PKD2: variants seen among roughly 807,000 people sequenced by gnomAD.
PKD2 encodes the protein polycystin 2, transient receptor potential cation channel, also known as polycystin-2.
In PKD2, 48 loss-of-function variants were observed where a neutral mutation model predicts 105.9. The ratio of observed to expected loss-of-function variants is 0.45; its 90% confidence interval spans 0.36 to 0.58. The LOEUF is 0.58. Ranked by LOEUF, PKD2 falls within the 20% of genes least tolerant of loss-of-function variation. The pLI, the probability that PKD2 is intolerant of heterozygous loss-of-function variation, is 0.00. For synonymous variants in PKD2, 464 were observed against 481.1 expected (o/e 0.96, Z 0.46); for missense variants, 1,078 against 1,255.3 (o/e 0.86, Z 2.13).
intron 12 of PKD2, among the ~76,000 whole-genome samples, chr4:88,066,939 C>A (rs1360954452): frequency 6.6e-6 from 1 of 152,154 alleles, no homozygotes; most frequent in Non-Finnish European, 1.5e-5. Context: ...AGGTGACAGA[C>A]TTCTCCAGTC....
At position 88,070,601 on chromosome 4, in the gene PKD2, T is replaced by TATATATAGAG. The variant is rs1313482750; in HGVS notation, c.2522+2541_2522+2542insTATATAGAGA. 3.0e-3 allele frequency among the ~76,000 whole-genome samples: 274 copies of TATATATAGAG among 91,438 alleles called. 2 individuals carry two copies. The highest frequency in any genetic ancestry group is 6.3e-3 in the Middle Eastern group (1 of 160). 60.0% of individuals were successfully genotyped at this position (91,438 alleles called of 152,430 possible). On this transcript the variant is annotated intron_variant, in intron 13 of 14. Transcript: ENST00000237596. ...ATATATATATATATATATATATATA[T>TATATATAGAG]AGAGAGAGAGAGAGAGAGAGAGAGA... is the stretch of plus-strand genomic sequence containing the variant.
At chr4:88,050,323 T>G (rs1044683705) in intron 6 of PKD2, among the ~76,000 whole-genome samples, 1 of 152,130 alleles carries the variant, frequency 6.6e-6, no homozygotes, top group African/African-American at 2.4e-5. Flanking sequence ...TACTATGTAC[T>G]TGCCACTGTT....
At chr4:88,034,481 C>A (rs1727263113) in intron 2 of PKD2, among the ~76,000 whole-genome samples, 1 of 151,812 alleles carries the variant, frequency 6.6e-6, no homozygotes, top group Non-Finnish European at 1.5e-5. Context: ...CCAACCTGAC[C>A]AACATGGTGA....
intron 2 of PKD2, among the ~76,000 whole-genome samples, chr4:88,020,211 A>G (rs1726700844): frequency 6.6e-6 from 1 of 152,230 alleles, no homozygotes; most frequent in African/African-American, 2.4e-5. Flanking sequence ...CTGCATAAGA[A>G]TTGTTTCCAG....
At chr4:88,036,517 G>A in intron 3 of PKD2, 164 bp downstream of exon 3, 1 of 661,598 alleles carries the variant, frequency 1.5e-6, no homozygotes, top group Non-Finnish European at 1.9e-6. Context: ...ACTCTCAAAG[G>A]GGGTAAACTA....
At position 88,075,707 on chromosome 4, in the gene PKD2, A is replaced by G; in HGVS notation, c.*13A>G. On this transcript the variant is annotated 3_prime_UTR_variant, in exon 15 of 15. Transcript: ENST00000237596. ...TGTCCACGTATGATATGTGTGTTTC[A>G]GTATGTGTGTTTCTAATAAGTGAGG... 1 of 1,571,286 alleles carries G rather than the reference A, an allele frequency of 6.4e-7. No homozygotes were observed. The highest frequency in any genetic ancestry group is 8.8e-7 in the Non-Finnish European group (1 of 1,142,196).
At chr4:88,013,189 T>G (rs1299762301) in intron 1 of PKD2, among the ~76,000 whole-genome samples, 2 of 152,202 alleles carry the variant, frequency 1.3e-5, no homozygotes, top group Non-Finnish European at 2.9e-5. Context: ...TCTGGGGATT[T>G]TTTTGAGGGA....
At position 88,061,939 on chromosome 4, in the gene PKD2, T is replaced by G; in HGVS notation, c.2053T>G (p.Ser685Ala). The G allele has an allele frequency of 2.5e-6, 4 of 1,580,496 alleles. No individual in the cohort carries two copies. Among genetic ancestry groups the G allele is most frequent in the Non-Finnish European group, 3.5e-6 (4 of 1,149,604 alleles). Residue 685 changes from serine to alanine, a missense_variant, in exon 10 of 15, where the codon TCT becomes GCT. This residue lies in a region of PKD2 where 868 missense variants were observed against 1,067.3 expected (regional missense o/e 0.81). Coordinates refer to ENST00000237596, the MANE Select transcript of PKD2 (RefSeq NM_000297.4). ...MFLAIINDTY[S>A]EVKSDLAQQK... ...TTTGGCTATCATCAATGATACTTAC[T>G]CTGAAGTGAAATCTGACTTGGCACA...
Position 88,052,172 on chromosome 4 carries a change from T to G in PKD2, c.1716+14T>G, listed in dbSNP as rs779744978. 30 of 1,458,392 alleles carry G rather than the reference T, an allele frequency of 2.1e-5. No homozygotes were observed. The highest frequency in any genetic ancestry group is 2.7e-5 in the Non-Finnish European group (28 of 1,040,222). The allele number at this position is 1,458,392 out of a possible 1,614,324, so 90.3% of individuals were successfully genotyped here. ...GTCTGGATTAAGGTAATTTATAAAT[T>G]TCATGTTCTACATTTTAAATAATAT... is the stretch of plus-strand genomic sequence containing the variant. On this transcript the variant is annotated intron_variant, in intron 7 of 14. Coordinates refer to ENST00000237596, the MANE Select transcript of PKD2 (RefSeq NM_000297.4).
intron 2 of PKD2, among the ~76,000 whole-genome samples, chr4:88,024,062 T>TA (rs1726860747): frequency 6.6e-6 from 1 of 152,208 alleles, no homozygotes; most frequent in Non-Finnish European, 1.5e-5. Flanking sequence ...TTAAAGCACT[T>TA]ATTAATATAC....
At chr4:88,047,309 C>T (rs1727813810) in intron 6 of PKD2, among the ~76,000 whole-genome samples, 1 of 151,910 alleles carries the variant, frequency 6.6e-6, no homozygotes, top group Non-Finnish European at 1.5e-5. Context: ...GTAATCCCAG[C>T]ACTTGGGGAG....
At chr4:88,031,372 TTA>T (rs1401402085) in intron 2 of PKD2, among the ~76,000 whole-genome samples, 2 of 152,332 alleles carry the variant, frequency 1.3e-5, no homozygotes, top group South Asian at 2.1e-4. Flanking sequence ...CACTTTTAAT[TTA>T]TAGAGTCCCT....
chr4:88,010,872 CAT>C (rs1354117216), intron 1 of PKD2, among the ~76,000 whole-genome samples: 1 of 152,190 alleles, frequency 6.6e-6, no homozygotes, highest in Admixed American at 6.5e-5. Context: ...AGAAAGAAGA[CAT>C]GTTTGAGGCC....
chr4:88,048,844 G>A (rs903985200), intron 6 of PKD2, among the ~76,000 whole-genome samples: 4 of 152,156 alleles, frequency 2.6e-5, no homozygotes, highest in Admixed American at 6.6e-5. Context: ...CAGGAGAGAC[G>A]ATAATACTGG....
chr4:88,010,425 G>A (rs1726346415), intron 1 of PKD2, among the ~76,000 whole-genome samples: 1 of 152,188 alleles, frequency 6.6e-6, no homozygotes, highest in Admixed American at 6.5e-5. Flanking sequence ...AACTAGAATA[G>A]CATATCACTG....
intron 4 of PKD2, among the ~76,000 whole-genome samples, chr4:88,041,125 A>G (rs909429604): frequency 2.0e-5 from 3 of 152,190 alleles, no homozygotes; most frequent in Non-Finnish European, 2.9e-5. Context: ...TCGTTTTCTT[A>G]TGAGATCTGC....
In PKD2 at chr4:88,008,100, C is replaced by A; in HGVS notation, c.367C>A (p.Arg123=). 2 of 1,515,560 alleles carry A rather than the reference C, an allele frequency of 1.3e-6. No individual in the cohort carries two copies. Among genetic ancestry groups the A allele is most frequent in the South Asian group, 2.4e-5 (2 of 81,834 alleles). The allele number at this position is 1,515,560 out of a possible 1,614,324, so 93.9% of individuals were successfully genotyped here. The change falls in exon 1 of 15, where the codon CGG becomes AGG. Residue 123 remains arginine (R), a synonymous_variant. Coordinates refer to ENST00000237596, the MANE Select transcript of PKD2 (RefSeq NM_000297.4). ...GGACGTAGAGTGGCGCCCGGGCAGC[C>A]GGAGGTCGGCCGCCTCCTCGGCCGT... ...EMDVEWRPGS[R]RSAASSAVSS...
At chr4:88,069,503 T>G (rs1720933805) in intron 13 of PKD2, among the ~76,000 whole-genome samples, 1 of 152,068 alleles carries the variant, frequency 6.6e-6, no homozygotes, top group East Asian at 1.9e-4. Flanking sequence ...TTACTTCAGA[T>G]ATATATTAAC....
chr4:88,024,864 G>A (rs1462624028), intron 2 of PKD2, among the ~76,000 whole-genome samples: 1 of 152,212 alleles, frequency 6.6e-6, no homozygotes, highest in African/African-American at 2.4e-5. Flanking sequence ...GCCAAGCACA[G>A]TGGCTCATGC....
Sources: allele counts gnomAD v4.1 joint callset (sites outside exome capture counted in the v4.1 genomes callset), GRCh38; gene constraint gnomAD v4.1.1; regional missense constraint gnomAD v4.1.1; transcripts MANE v1.5; gene names NCBI Gene and HGNC (gene_info 2026-07-23, HGNC 2026-07-21).